Variants in ADAMTS9 observed in about 807,000 individuals in gnomAD.
ADAMTS9 encodes A disintegrin and metalloproteinase with thrombospondin motifs 9.
In ADAMTS9, 107 loss-of-function variants were observed where a neutral mutation model predicts 257.1. The observed-to-expected ratio is 0.42, with a 90% CI of 0.36 to 0.49. The LOEUF (loss-of-function observed/expected upper bound fraction) is 0.49. ADAMTS9 is among the 20% of genes least tolerant of loss of function. ADAMTS9 has a pLI of 0.03. For missense variants in ADAMTS9, 2,353 were observed against 2,469.1 expected, an observed-to-expected ratio of 0.95 and a Z score of 1.00; for synonymous variants, 982 against 880.9, an observed-to-expected ratio of 1.11 and a Z score of -2.03.
intron 3 of ADAMTS9, among the ~76,000 whole-genome samples, chr3:64,674,202 A>G (rs1480300045): frequency 1.3e-5 from 2 of 152,186 alleles, no homozygotes; most frequent in Non-Finnish European, 2.9e-5. Context: ...CTAATAATTT[A>G]CCAAGGATTT....
At chr3:64,628,607 C>T (rs975122829) in intron 16 of ADAMTS9, among the ~76,000 whole-genome samples, 51 of 152,128 alleles carry the variant, frequency 3.4e-4, no homozygotes, top group African/African-American at 1.2e-3. Context: ...GTAAACAGTC[C>T]TCCAAGAACT....
intron 22 of ADAMTS9, among the ~76,000 whole-genome samples, chr3:64,609,097 C>A (rs530601802): frequency 1.3e-5 from 2 of 151,964 alleles, no homozygotes; most frequent in African/African-American, 4.8e-5. Context: ...ATTCAGAAAT[C>A]TAGCAATAAA....
chr3:64,624,710 T>G (rs1171120425), intron 16 of ADAMTS9, among the ~76,000 whole-genome samples: 6 of 152,234 alleles, frequency 3.9e-5, no homozygotes. Flanking sequence ...GCAAAAATAT[T>G]TATCAATTGC....
At chr3:64,584,040 A>T (rs372841300) in intron 28 of ADAMTS9, 4 of 152,314 alleles carry the variant, frequency 2.6e-5, no homozygotes, top group Admixed American at 6.5e-5. Flanking sequence ...TGATTCAAAG[A>T]CAACCAAAAA....
intron 28 of ADAMTS9, among the ~76,000 whole-genome samples, chr3:64,576,662 A>G (rs937836079): frequency 2.0e-5 from 3 of 152,166 alleles, no homozygotes; most frequent in African/African-American, 4.8e-5. Flanking sequence ...GGCAGGGAAC[A>G]CCAAGGAAGA....
intron 29 of ADAMTS9, chr3:64,563,288 C>T (rs773504183): frequency 6.6e-6 from 1 of 152,134 alleles, no homozygotes; most frequent in Non-Finnish European, 1.5e-5. Context: ...TGGACATGTT[C>T]AAATATTATC....
intron 28 of ADAMTS9, among the ~76,000 whole-genome samples, chr3:64,578,387 C>A (rs1318253221): frequency 6.6e-6 from 1 of 151,940 alleles, no homozygotes; most frequent in African/African-American, 2.4e-5. Context: ...GAAGACTTGG[C>A]ATTGAAAAAG....
At chr3:64,576,533 C>G (rs1367558343) in intron 28 of ADAMTS9, among the ~76,000 whole-genome samples, 5 of 152,192 alleles carry the variant, frequency 3.3e-5, no homozygotes, top group Admixed American at 3.3e-4. Flanking sequence ...TACCAGGAAA[C>G]AAGGGCTGTG....
chr3:64,534,924 A>G (rs1436849848), intron 37 of ADAMTS9, among the ~76,000 whole-genome samples: 1 of 152,112 alleles, frequency 6.6e-6, no homozygotes, highest in East Asian at 1.9e-4. Context: ...GGGTAGATTT[A>G]CCCTAGAATC....
chr3:64,621,295 A>G, intron 18 of ADAMTS9, 55 bp from the exon 19 acceptor site: 23 of 1,547,478 alleles, frequency 1.5e-5, no homozygotes, highest in Non-Finnish European at 1.9e-5. Flanking sequence ...TCCATAAACT[A>G]TTTAGACCCC....
At chr3:64,590,925 T>A (rs913635906) in intron 28 of ADAMTS9, among the ~76,000 whole-genome samples, 2 of 152,320 alleles carry the variant, frequency 1.3e-5, no homozygotes, top group African/African-American at 4.8e-5. Context: ...AAGACCCATC[T>A]TGGATACATG....
In ADAMTS9 at chr3:64,557,936, C is replaced by T. The variant is rs115040341; in HGVS notation, c.4698+3642G>A. 8.2e-3 allele frequency among the ~76,000 whole-genome samples: 1,253 copies of T among 152,176 alleles called. 12 individuals are homozygous for T. Among genetic ancestry groups the T allele is most frequent in the Non-Finnish European group, 0.014 (920 of 67,994 alleles). ...CTACTCTCATGGTATCAAGAAGGCC[C>T]CTTTCCCCTGAACAACCAATGGGCT... On this transcript the variant is annotated intron_variant, in intron 30 of 39. Coordinates refer to ENST00000498707, the MANE Select transcript of ADAMTS9 (RefSeq NM_182920.2).
chr3:64,623,623 A>G (rs181783224), intron 16 of ADAMTS9, among the ~76,000 whole-genome samples: 47 of 152,342 alleles, frequency 3.1e-4, no homozygotes, highest in African/African-American at 1.1e-3. Context: ...ACACAGTAAA[A>G]GATTAATACA....
chr3:64,557,234 G>A (rs1323444966), intron 30 of ADAMTS9, among the ~76,000 whole-genome samples: 1 of 152,126 alleles, frequency 6.6e-6, no homozygotes, highest in Non-Finnish European at 1.5e-5. Context: ...TGTATTCCAG[G>A]TAAAGGGGGA....
chr3:64,558,662 T>C (rs1226447834), intron 30 of ADAMTS9, among the ~76,000 whole-genome samples: 1 of 152,164 alleles, frequency 6.6e-6, no homozygotes, highest in Non-Finnish European at 1.5e-5. Flanking sequence ...TGCCATATCC[T>C]ACGGACCAAG....
intron 9 of ADAMTS9, chr3:64,650,780 C>A: frequency 2.4e-6 from 1 of 424,624 alleles, no homozygotes; most frequent in Non-Finnish European, 4.1e-6. Context: ...ATTTCCACAT[C>A]CTCTTTAAGA....
At chr3:64,622,976 T>C (rs1160781090) in intron 16 of ADAMTS9, among the ~76,000 whole-genome samples, 1 of 152,216 alleles carries the variant, frequency 6.6e-6, no homozygotes, top group Admixed American at 6.5e-5. Context: ...CTTACAAAAT[T>C]GGTTCCTAGA....
intron 8 of ADAMTS9, among the ~76,000 whole-genome samples, chr3:64,652,267 A>C (rs1282348319): frequency 2.6e-5 from 4 of 152,224 alleles, no homozygotes; most frequent in Non-Finnish European, 5.9e-5. Flanking sequence ...CTATTCCATT[A>C]ATTTATCACA....
intron 12 of ADAMTS9, 57 bp downstream of exon 12, chr3:64,641,791 T>C: frequency 6.3e-7 from 1 of 1,598,504 alleles, no homozygotes; most frequent in Admixed American, 1.7e-5. Flanking sequence ...TTATTCCCTT[T>C]AGGAATTTCA....
Sources: allele counts gnomAD v4.1 joint callset (sites outside exome capture counted in the v4.1 genomes callset), GRCh38; gene constraint gnomAD v4.1.1; transcripts MANE v1.5; gene names NCBI Gene and HGNC (gene_info 2026-07-23, HGNC 2026-07-21).